SLC9A4: variants seen among roughly 807,000 people sequenced by gnomAD.
SLC9A4 encodes solute carrier family 9 member A4.
Under a neutral mutation model 67.4 loss-of-function variants are expected in SLC9A4, and 63 were observed. The ratio of observed to expected loss-of-function variants is 0.93; its 90% CI spans 0.76 to 1.15. The LOEUF is 1.15. Ranked by LOEUF, SLC9A4 falls within the 50% of genes most tolerant of loss-of-function variation. The pLI, the probability that SLC9A4 is intolerant of heterozygous loss-of-function variation, is 0.00. For synonymous variants in SLC9A4, 393 were observed against 367.2 expected (o/e 1.07, Z -0.80); for missense variants, 1,089 against 987.7 (o/e 1.10, Z -1.38).
At chr2:102,493,111 A>T (rs1684736762) in intron 2 of SLC9A4, among the ~76,000 whole-genome samples, 1 of 152,238 alleles carries the variant, frequency 6.6e-6, no homozygotes, top group South Asian at 2.1e-4. Flanking sequence ...ACAAGTCTTT[A>T]GGAAGTTTCA....
intron 2 of SLC9A4, among the ~76,000 whole-genome samples, chr2:102,485,890 T>TA (rs1684578561): frequency 6.6e-6 from 1 of 152,150 alleles, no homozygotes; most frequent in Non-Finnish European, 1.5e-5. Context: ...AAGGGTGGGA[T>TA]AAAATCAGGG....
At chr2:102,491,151 G>A (rs187689524) in intron 2 of SLC9A4, among the ~76,000 whole-genome samples, 1 of 152,244 alleles carries the variant, frequency 6.6e-6, no homozygotes, top group African/African-American at 2.4e-5. Flanking sequence ...GACTAGAAGT[G>A]CAATCCTACA....
chr2:102,483,841 T>G (rs61604733), intron 2 of SLC9A4, among the ~76,000 whole-genome samples: 1 of 126,782 alleles, frequency 7.9e-6, no homozygotes, highest in South Asian at 2.5e-4. Context: ...TATATATATA[T>G]ACACACACAC....
chr2:102,525,615 T>C (rs1674644719), intron 10 of SLC9A4, among the ~76,000 whole-genome samples: 1 of 152,014 alleles, frequency 6.6e-6, no homozygotes, highest in African/African-American at 2.4e-5. Flanking sequence ...AGCCACTGTG[T>C]TCCTGCACTC....
rs774615631 is a variant in SLC9A4, at chr2:102,474,020, G to C, written c.256+5G>C. The C allele has an allele frequency of 6.2e-7, 1 of 1,611,526 alleles. No homozygotes were observed. On this transcript the variant is annotated splice_donor_5th_base_variant and intron_variant, in intron 1 of 11. Transcript: ENST00000295269. ...TAGCATCCCTTGCAAAAATAGGTAA[G>C]TCCTTAAACACCTGGTTTGGTGAGT...
chr2:102,474,316 T>G (rs1684282753), intron 1 of SLC9A4, among the ~76,000 whole-genome samples: 1 of 152,156 alleles, frequency 6.6e-6, no homozygotes, highest in African/African-American at 2.4e-5. Flanking sequence ...ATTCTATGCT[T>G]TAAAAATATA....
Position 102,473,764 on chromosome 2 carries a change from C to T in SLC9A4, c.5C>T (p.Ala2Val). 1.2e-6 allele frequency: 2 copies of T among 1,613,776 alleles called. No individual in the cohort carries two copies. The highest frequency in any genetic ancestry group is 2.2e-5 in the South Asian group (2 of 91,076). The change falls in exon 1 of 12, where the codon GCT (alanine) becomes GTT (valine). Residue 2 changes from alanine to valine, a missense_variant. Physicochemically the swap from Ala to Val is moderately conservative, Grantham distance 64. Coordinates refer to ENST00000295269, the MANE Select transcript of SLC9A4 (RefSeq NM_001011552.4). The stretch of plus-strand genomic sequence containing the variant: ...AGGTAGGAGAAGCCCACAGGAATGG[C>T]TCTGCAGATGTTCGTGACTTACAGT... M[A>V]LQMFVTYSPW...
intron 8 of SLC9A4, 130 bp from the exon 9 acceptor site, chr2:102,519,729 G>A: frequency 1.4e-6 from 1 of 737,138 alleles, no homozygotes; most frequent in South Asian, 2.8e-5. Context: ...TAGAACAATA[G>A]GAAAAATTAT....
intron 2 of SLC9A4, among the ~76,000 whole-genome samples, chr2:102,501,292 T>TG (rs1209346375): frequency 6.6e-6 from 1 of 151,336 alleles, no homozygotes; most frequent in Non-Finnish European, 1.5e-5. Context: ...TGGCTAAATT[T>TG]TGTATTTTAG....
At chr2:102,510,231 G>GATACA (rs1685134748) in intron 6 of SLC9A4, among the ~76,000 whole-genome samples, 1 of 137,020 alleles carries the variant, frequency 7.3e-6, no homozygotes, top group African/African-American at 2.8e-5. Context: ...ATACGGATAC[G>GATACA]GATACAGATA....
chr2:102,505,208 G>T, intron 3 of SLC9A4, 46 bp from the exon 4 acceptor site: 1 of 1,577,426 alleles, frequency 6.3e-7, no homozygotes, highest in East Asian at 2.3e-5. Context: ...TTTTGTGGAG[G>T]GGGAAAACCT....
intron 2 of SLC9A4, among the ~76,000 whole-genome samples, chr2:102,502,964 C>A (rs7572284): frequency 0.16 from 23,862 of 152,214 alleles, 2,233 homozygotes; most frequent in African/African-American, 0.26. Flanking sequence ...CAGGCAGGAT[C>A]CGCTGGAGTT....
At chr2:102,513,125 C>G (rs1685199877) in intron 7 of SLC9A4, among the ~76,000 whole-genome samples, 1 of 152,018 alleles carries the variant, frequency 6.6e-6, no homozygotes. Context: ...GAGGTGATTA[C>G]CGTGGGCTGA....
intron 11 of SLC9A4, among the ~76,000 whole-genome samples, chr2:102,531,461 G>A (rs73944384): frequency 0.015 from 2,235 of 152,194 alleles, 55 homozygotes; most frequent in African/African-American, 0.049. Flanking sequence ...CTCTCATGAG[G>A]TAGCCCTCCC....
Position 102,474,122 on chromosome 2 carries a change from A to G in SLC9A4, c.256+107A>G, listed in dbSNP as rs1312896148. 6 of 1,303,676 alleles carry G rather than the reference A, an allele frequency of 4.6e-6. No individual in the cohort carries two copies. The East Asian group carries it at 9.3e-5, about 20-fold the overall frequency. The allele number at this position is 1,303,676 out of a possible 1,614,324, so 80.8% of individuals were successfully genotyped here. ...TAAGAGGATTTTAACTGTTACTGCT[A>G]TTACATTAAAAATTCTCTTCCCTTC... On this transcript the variant is annotated intron_variant, in intron 1 of 11. Coordinates refer to ENST00000295269, the MANE Select transcript of SLC9A4 (RefSeq NM_001011552.4).
chr2:102,514,160 G>A lies in SLC9A4; in HGVS notation c.1630G>A (p.Val544Ile), dbSNP rs1301285731. Residue 544 changes from valine (V) to isoleucine (I), a missense_variant, in exon 8 of 12, where the codon GTT becomes ATT. Val to Ile is a conservative substitution (Grantham distance 29, BLOSUM62 3). Transcript: ENST00000295269. ...AAAGAACCTACCCAAATCAAGCATT[G>A]TTTCTTTGTACAAGAAGCTGGAAAT... Reference protein sequence around the residue: ...IRKNLPKSSIVSLYKKLEMKQ... With the variant: ...IRKNLPKSSIISLYKKLEMKQ... 1 of 1,614,012 alleles carries A rather than the reference G, an allele frequency of 6.2e-7. No individual in the cohort carries two copies. Among genetic ancestry groups the A allele is most frequent in the Non-Finnish European group, 8.5e-7 (1 of 1,179,974 alleles).
Position 102,493,860 on chromosome 2 carries a change from T to G in SLC9A4, c.721-9588T>G, listed in dbSNP as rs180830419. Among the ~76,000 whole-genome samples the G allele has an allele frequency of 1.7e-3, 254 of 152,018 alleles. 2 individuals carry two copies. Among genetic ancestry groups the G allele is most frequent in the Non-Finnish European group, 2.9e-3 (196 of 68,036 alleles). ...TGACAGAAAAAACAGTTACCATAACTGCAAGCTGGGCAGAGTGTTTCACCT... is the reference window on the plus strand; with the variant it reads ...TGACAGAAAAAACAGTTACCATAACGGCAAGCTGGGCAGAGTGTTTCACCT... On this transcript the variant is annotated intron_variant, in intron 2 of 11. Coordinates refer to ENST00000295269, the MANE Select transcript of SLC9A4 (RefSeq NM_001011552.4).
At chr2:102,520,011 A>C in intron 9 of SLC9A4, 56 bp downstream of exon 9, 1 of 1,464,114 alleles carries the variant, frequency 6.8e-7, no homozygotes. Flanking sequence ...ACAGTCTCTG[A>C]AGGGGGAGTC....
chr2:102,493,855 A>G (rs1337672936), intron 2 of SLC9A4, among the ~76,000 whole-genome samples: 1 of 151,858 alleles, frequency 6.6e-6, no homozygotes, highest in East Asian at 1.9e-4. Context: ...AACAGTTACC[A>G]TAACTGCAAG....
Sources: allele counts gnomAD v4.1 joint callset (sites outside exome capture counted in the v4.1 genomes callset), GRCh38; gene constraint gnomAD v4.1.1; transcripts MANE v1.5; gene names NCBI Gene and HGNC (gene_info 2026-07-23, HGNC 2026-07-21).